SMYD3: variants seen among roughly 807,000 people sequenced by gnomAD.
SMYD3 encodes the protein histone-lysine N-methyltransferase SMYD3.
A neutral mutation model predicts 57.7 loss-of-function variants in SMYD3; 36 were observed. That is an observed-to-expected ratio of 0.62 (90% CI 0.48 to 0.82). The LOEUF is 0.82. Among genes scored for constraint, SMYD3 ranks in the 40% least tolerant of loss-of-function variants. The pLI is 0.00. For synonymous variants in SMYD3, 211 were observed against 195.0 expected, an observed-to-expected ratio of 1.08 and a Z score of -0.68; for missense variants, 515 against 538.8, an observed-to-expected ratio of 0.96 and a Z score of 0.44.
chr1:246,168,191 T>C (rs1300731423), intron 5 of SMYD3, among the ~76,000 whole-genome samples: 1 of 152,182 alleles, frequency 6.6e-6, no homozygotes, highest in African/African-American at 2.4e-5. Context: ...AATATACATA[T>C]CATGGCATGT....
intron 2 of SMYD3, among the ~76,000 whole-genome samples, chr1:246,352,393 T>C (rs567373445): frequency 1.3e-5 from 2 of 152,328 alleles, no homozygotes; most frequent in East Asian, 3.9e-4. Flanking sequence ...CCAAGTGCTT[T>C]TGCGTTCTGT....
chr1:246,442,769 C>T (rs983716907), intron 1 of SMYD3, among the ~76,000 whole-genome samples: 5 of 151,984 alleles, frequency 3.3e-5, no homozygotes, highest in African/African-American at 9.7e-5. Context: ...CCCATTAACG[C>T]AAACACTGGT....
chr1:246,191,431 T>C (rs1359527140), intron 5 of SMYD3, among the ~76,000 whole-genome samples: 4 of 152,236 alleles, frequency 2.6e-5, no homozygotes, highest in Middle Eastern at 3.2e-3. Flanking sequence ...AGGTTTTGTT[T>C]CTTCAGAAAG....
chr1:246,009,891 C>G (rs1358389294), intron 5 of SMYD3, among the ~76,000 whole-genome samples: 2 of 130,064 alleles, frequency 1.5e-5, no homozygotes, highest in Admixed American at 8.1e-5. Flanking sequence ...CTCACTGCAA[C>G]CTCCGCTTCG....
chr1:246,201,750 C>A (rs1291938018), intron 5 of SMYD3, among the ~76,000 whole-genome samples: 1 of 152,162 alleles, frequency 6.6e-6, no homozygotes, highest in Non-Finnish European at 1.5e-5. Context: ...CGGTGGCTCA[C>A]GCCAGTAATC....
chr1:246,296,167 CAG>C (rs1309495140), intron 5 of SMYD3, among the ~76,000 whole-genome samples: 2 of 152,174 alleles, frequency 1.3e-5, no homozygotes, highest in Non-Finnish European at 2.9e-5. Context: ...ACTATGCAGA[CAG>C]AGAAACTTCC....
intron 5 of SMYD3, among the ~76,000 whole-genome samples, chr1:246,024,344 GGAGAT>G (rs2059534756): frequency 7.0e-6 from 1 of 142,146 alleles, no homozygotes. Context: ...CATCTAGGAA[GGAGAT>G]ACAGGAAGTG....
chr1:246,501,040 T>C (rs2068448436), intron 1 of SMYD3, among the ~76,000 whole-genome samples: 1 of 152,340 alleles, frequency 6.6e-6, no homozygotes. Context: ...GCCCAGGAAG[T>C]TGCAAATCCT....
At chr1:245,867,036 T>C (rs556362507) in intron 8 of SMYD3, among the ~76,000 whole-genome samples, 20 of 152,354 alleles carry the variant, frequency 1.3e-4, no homozygotes, top group Admixed American at 9.8e-4. Context: ...AACCTGTGAA[T>C]ATGTTAGGCC....
chr1:246,368,402 C>CA (rs1214020285), intron 1 of SMYD3, among the ~76,000 whole-genome samples: 3 of 152,038 alleles, frequency 2.0e-5, no homozygotes, highest in Non-Finnish European at 4.4e-5. Context: ...ATATAGAAAA[C>CA]AAAAAAATCC....
intron 5 of SMYD3, among the ~76,000 whole-genome samples, chr1:246,009,501 C>T (rs1468741200): frequency 6.6e-6 from 1 of 152,138 alleles, no homozygotes; most frequent in Non-Finnish European, 1.5e-5. Flanking sequence ...TACTTTGTAA[C>T]ATGTATGTGT....
chr1:246,184,693 G>A (rs1159221589), intron 5 of SMYD3, among the ~76,000 whole-genome samples: 1 of 152,146 alleles, frequency 6.6e-6, no homozygotes, highest in Non-Finnish European at 1.5e-5. Flanking sequence ...AGAGACCAGA[G>A]AGCTCATTGA....
At chr1:246,488,360 G>A (rs980648325) in intron 1 of SMYD3, among the ~76,000 whole-genome samples, 17 of 152,182 alleles carry the variant, frequency 1.1e-4, no homozygotes, top group Admixed American at 9.2e-4. Flanking sequence ...AGTGAAGGGT[G>A]CTCAGAAAAA....
intron 8 of SMYD3, among the ~76,000 whole-genome samples, chr1:245,879,429 G>A (rs187120904): frequency 5.9e-5 from 9 of 152,290 alleles, no homozygotes; most frequent in Non-Finnish European, 1.0e-4. Flanking sequence ...CGATGGAGAC[G>A]AAGAGTGTAA....
chr1:245,895,838 G>A (rs759027738), intron 8 of SMYD3, among the ~76,000 whole-genome samples: 11 of 152,328 alleles, frequency 7.2e-5, no homozygotes, highest in Admixed American at 1.3e-4. Context: ...CATAGGTGTC[G>A]TGGAGGGTCT....
At chr1:245,942,847 A>G (rs2057297708) in intron 5 of SMYD3, among the ~76,000 whole-genome samples, 1 of 152,164 alleles carries the variant, frequency 6.6e-6, no homozygotes, top group Admixed American at 6.5e-5. Flanking sequence ...AAACCACACA[A>G]CTACATGGAA....
intron 5 of SMYD3, among the ~76,000 whole-genome samples, chr1:245,984,464 C>T (rs767685310): frequency 6.6e-5 from 10 of 152,222 alleles, no homozygotes; most frequent in Non-Finnish European, 1.2e-4. Context: ...GGCATGTGCA[C>T]TCACCTGGGC....
chr1:246,105,975 A>C (rs2061110942), intron 5 of SMYD3, among the ~76,000 whole-genome samples: 1 of 152,200 alleles, frequency 6.6e-6, no homozygotes, highest in South Asian at 2.1e-4. Flanking sequence ...TAATTGAATG[A>C]AATTGACAAA....
intron 5 of SMYD3, among the ~76,000 whole-genome samples, chr1:245,964,023 C>T (rs754728219): frequency 7.9e-5 from 12 of 152,176 alleles, no homozygotes; most frequent in African/African-American, 1.4e-4. Context: ...ATTTGGCTCA[C>T]GGCTCTGCAG....
Sources: gnomAD v4.1 joint callset for allele counts (sites outside exome capture counted in the v4.1 genomes callset) on GRCh38, gnomAD v4.1.1 for gene constraint, MANE v1.5 for transcripts, NCBI Gene and HGNC (gene_info 2026-07-23, HGNC 2026-07-21) for gene names.